Variants in SPPL3 observed in about 807,000 individuals in gnomAD.
SPPL3 encodes signal peptide peptidase like 3.
Under a neutral mutation model 42.4 loss-of-function variants are expected in SPPL3, and 5 were observed. That is an observed-to-expected ratio of 0.12 (90% CI 0.06 to 0.25). SPPL3 has a LOEUF of 0.25. Ranked by LOEUF, SPPL3 falls within the 10% of genes least tolerant of loss-of-function variation. The pLI is 1.00. For synonymous variants in SPPL3, 195 were observed against 181.8 expected, an observed-to-expected ratio of 1.07 and a Z score of -0.58; for missense variants, 235 against 489.0, an observed-to-expected ratio of 0.48 and a Z score of 4.90.
intron 1 of SPPL3, among the ~76,000 whole-genome samples, chr12:120,882,356 C>T (rs547074845): frequency 2.0e-5 from 3 of 152,184 alleles, no homozygotes; most frequent in East Asian, 1.9e-4. Flanking sequence ...GAAGGTTGCA[C>T]AATAATGTGC....
chr12:120,893,792 C>T (rs550951541), intron 1 of SPPL3, among the ~76,000 whole-genome samples: 89 of 152,258 alleles, frequency 5.8e-4, no homozygotes, highest in African/African-American at 1.9e-3. Flanking sequence ...TTCTTCCTGA[C>T]ATTTCTTAAT....
intron 1 of SPPL3, among the ~76,000 whole-genome samples, chr12:120,822,609 T>C (rs1871106478): frequency 6.6e-6 from 1 of 152,148 alleles, no homozygotes; most frequent in African/African-American, 2.4e-5. Context: ...CATCCCTTAC[T>C]TCTATCAGGA....
intron 1 of SPPL3, among the ~76,000 whole-genome samples, chr12:120,880,950 T>C (rs2137057487): frequency 6.6e-6 from 1 of 150,980 alleles, no homozygotes; most frequent in Non-Finnish European, 1.5e-5. Context: ...TCAATAAACG[T>C]GAACAGATGC....
At chr12:120,822,076 G>A (rs192861381) in intron 1 of SPPL3, among the ~76,000 whole-genome samples, 5 of 152,262 alleles carry the variant, frequency 3.3e-5, no homozygotes, top group South Asian at 2.1e-4. Flanking sequence ...GCAGAATAGC[G>A]GATACCAGGA....
chr12:120,843,679 G>A (rs543101683), intron 1 of SPPL3, among the ~76,000 whole-genome samples: 1 of 152,250 alleles, frequency 6.6e-6, no homozygotes, highest in East Asian at 1.9e-4. Context: ...CAGGCCAGGC[G>A]GGGTGGCTGA....
chr12:120,765,335 G>A (rs150370811), intron 10 of SPPL3, among the ~76,000 whole-genome samples: 7 of 151,542 alleles, frequency 4.6e-5, no homozygotes, highest in Middle Eastern at 3.4e-3. Flanking sequence ...CTAGGCTGGA[G>A]TGAGTGCAGT....
At chr12:120,877,686 C>T (rs548560183) in intron 1 of SPPL3, among the ~76,000 whole-genome samples, 2 of 150,938 alleles carry the variant, frequency 1.3e-5, no homozygotes, top group Non-Finnish European at 2.9e-5. Context: ...GGGGCTGAGG[C>T]AGGAGAATCG....
Position 120,791,499 on chromosome 12 carries a change from C to G in SPPL3, c.160G>C (p.Gly54Arg). 1 of 1,607,552 alleles carries G rather than the reference C, an allele frequency of 6.2e-7. No individual in the cohort carries two copies. The highest frequency in any genetic ancestry group is 8.5e-7 in the Non-Finnish European group (1 of 1,178,476). ...TTGGTGCTGTTGCCATTGAAAGACC[C>G]AGAAGAACTATTACTGTCTTTCTCC... ...DKEKDSNSSS[G>R]SFNGNSTNNS... The change falls in exon 3 of 11, where the codon GGG (glycine) becomes CGG (arginine). Residue 54 changes from glycine to arginine, a missense_variant. Gly to Arg is a moderately radical substitution (Grantham distance 125). Around this residue, in one of 6 missense-constraint regions of SPPL3, gnomAD observed 110 missense variants for 186.2 expected, o/e 0.59. Coordinates refer to ENST00000353487, the MANE Select transcript of SPPL3 (RefSeq NM_139015.5).
intron 1 of SPPL3, among the ~76,000 whole-genome samples, chr12:120,883,570 A>T (rs1406375607): frequency 6.6e-6 from 1 of 152,212 alleles, no homozygotes; most frequent in Non-Finnish European, 1.5e-5. Flanking sequence ...GAATGTTCAC[A>T]AGACTCCTCT....
At chr12:120,792,754 G>A (rs1214300702) in intron 2 of SPPL3, among the ~76,000 whole-genome samples, 1 of 150,812 alleles carries the variant, frequency 6.6e-6, no homozygotes, top group Non-Finnish European at 1.5e-5. Context: ...CTGTTATGAT[G>A]GTCTTTATCT....
chr12:120,897,874 A>G (rs1179860551), intron 1 of SPPL3, among the ~76,000 whole-genome samples: 1 of 152,202 alleles, frequency 6.6e-6, no homozygotes, highest in Non-Finnish European at 1.5e-5. Context: ...CAAAAGTAGA[A>G]CTGACTTCCA....
chr12:120,898,423 T>C lies in SPPL3; in HGVS notation c.23+5422A>G, dbSNP rs141271860. Among the ~76,000 whole-genome samples the C allele has an allele frequency of 1.7e-3, 264 of 151,152 alleles. 1 individual carries two copies. Among genetic ancestry groups the C allele is most frequent in the African/African-American group, 5.9e-3 (245 of 41,226 alleles). The stretch of plus-strand genomic sequence containing the variant: ...CCAAAAACAGAAAGGGTTTTATCCT[T>C]ATGTAGCTTATTTTGTTTATCGTCT... On this transcript the variant is annotated intron_variant, in intron 1 of 10. Transcript: ENST00000353487.
intron 1 of SPPL3, among the ~76,000 whole-genome samples, chr12:120,902,610 G>C (rs905668128): frequency 6.6e-6 from 1 of 152,154 alleles, no homozygotes; most frequent in African/African-American, 2.4e-5. Context: ...TATCAACAAA[G>C]CAAGTTGGTG....
chr12:120,774,631 C>T (rs1406826418), intron 6 of SPPL3, among the ~76,000 whole-genome samples: 2 of 152,034 alleles, frequency 1.3e-5, no homozygotes, highest in African/African-American at 4.8e-5. Flanking sequence ...CTCTTAGAGG[C>T]ATGTGGAATA....
chr12:120,893,639 A>G (rs1873713158), intron 1 of SPPL3, among the ~76,000 whole-genome samples: 2 of 152,076 alleles, frequency 1.3e-5, no homozygotes, highest in South Asian at 4.1e-4. Flanking sequence ...TCCTTTACAA[A>G]TTCAATAGCC....
chr12:120,787,852 T>A (rs1592962220), intron 3 of SPPL3, among the ~76,000 whole-genome samples: 1 of 152,224 alleles, frequency 6.6e-6, no homozygotes, highest in East Asian at 1.9e-4. Flanking sequence ...CATGCTGTTT[T>A]ATGTAGCTAC....
chr12:120,904,312 C>G lies in SPPL3; in HGVS notation c.-445G>C, dbSNP rs1874091339. The G allele has an allele frequency of 6.1e-6, 1 of 164,410 alleles. No homozygotes were observed. The allele number at this position is 164,410 out of a possible 1,614,324, so 10.2% of individuals were successfully genotyped here. A position where few individuals can be genotyped will look rare whatever the true frequency, so the allele number is the denominator to read the frequency against. On this transcript the variant is annotated 5_prime_UTR_variant, in exon 1 of 11. Coordinates refer to ENST00000353487, the MANE Select transcript of SPPL3 (RefSeq NM_139015.5). ...CGGAGGCGGCGGCGACTGAGGGGGG[C>G]GCTAGGCGATGAGGCGAGGCCACTC...
chr12:120,865,262 T>A (rs924425534), intron 1 of SPPL3, among the ~76,000 whole-genome samples: 2 of 152,172 alleles, frequency 1.3e-5, no homozygotes, highest in Non-Finnish European at 2.9e-5. Context: ...TCTTACCATA[T>A]CTGTTACCTC....
intron 1 of SPPL3, among the ~76,000 whole-genome samples, chr12:120,831,069 TTC>T (rs375855863): frequency 1.9e-4 from 28 of 149,554 alleles, no homozygotes; most frequent in Non-Finnish European, 3.0e-4. Context: ...GAAGGGCAAA[TTC>T]TCTCTCTCTC....
Sources: allele counts gnomAD v4.1 joint callset (sites outside exome capture counted in the v4.1 genomes callset), GRCh38; gene constraint gnomAD v4.1.1; regional missense constraint gnomAD v4.1.1; transcripts MANE v1.5; gene names NCBI Gene and HGNC (gene_info 2026-07-23, HGNC 2026-07-21).